SLC2A9: variants seen among roughly 807,000 people sequenced by gnomAD.
The protein encoded by SLC2A9 is solute carrier family 2 member 9, also known as solute carrier family 2, facilitated glucose transporter member 9.
Under a neutral mutation model 50.6 loss-of-function variants are expected in SLC2A9, and 39 were observed. The ratio of observed to expected loss-of-function variants is 0.77; its 90% CI spans 0.60 to 1.01. The LOEUF (loss-of-function observed/expected upper bound fraction) is 1.01, where lower values mean the gene tolerates loss of function less well. Among genes scored for constraint, SLC2A9 ranks in the 50% least tolerant of loss-of-function variants. The pLI, the probability that SLC2A9 is intolerant of heterozygous loss-of-function variation, is 0.00. For synonymous variants in SLC2A9, 324 were observed against 276.9 expected (o/e 1.17, Z -1.69); for missense variants, 686 against 677.6 (o/e 1.01, Z -0.14).
chr4:9,782,905 C>G, intron 3 of SLC2A9: 3 of 1,613,958 alleles, frequency 1.9e-6, no homozygotes, highest in Non-Finnish European at 2.5e-6. Flanking sequence ...AGAAGGAGAC[C>G]AAGGTTCTCA....
intron 2 of SLC2A9, among the ~76,000 whole-genome samples, chr4:10,013,198 G>A (rs1762055796): frequency 6.6e-6 from 1 of 152,124 alleles, no homozygotes; most frequent in South Asian, 2.1e-4. Context: ...CTGCCATCTG[G>A]GGGAAGAAAG....
intron 10 of SLC2A9, among the ~76,000 whole-genome samples, chr4:9,838,313 C>T (rs1727423888): frequency 1.3e-5 from 2 of 152,048 alleles, no homozygotes; most frequent in African/African-American, 4.8e-5. Context: ...AAGCATTTTA[C>T]AAGGTCTCTA....
chr4:9,881,507 C>A (rs1186445849), intron 10 of SLC2A9, among the ~76,000 whole-genome samples: 1 of 152,230 alleles, frequency 6.6e-6, no homozygotes, highest in African/African-American at 2.4e-5. Context: ...AGCTGAGGAA[C>A]TATAGCAGGG....
chr4:9,863,225 T>C (rs1340209533), intron 10 of SLC2A9, among the ~76,000 whole-genome samples: 1 of 151,994 alleles, frequency 6.6e-6, no homozygotes, highest in African/African-American at 2.4e-5. Context: ...TGGCTCACTC[T>C]AACCTCGATC....
At chr4:9,777,806 C>A (rs916615301), downstream of SLC2A9, among the ~76,000 whole-genome samples, 5 of 152,122 alleles carry the variant, frequency 3.3e-5, no homozygotes, top group African/African-American at 9.7e-5. Flanking sequence ...GCACTAGGAG[C>A]CAGCCCAGGG....
chr4:9,789,697 A>G (rs978635664), intron 3 of SLC2A9, among the ~76,000 whole-genome samples: 2 of 152,262 alleles, frequency 1.3e-5, no homozygotes, highest in African/African-American at 4.8e-5. Flanking sequence ...CCCTACTCAC[A>G]AGAGCAGGCA....
In SLC2A9 at chr4:9,990,058, G is replaced by A. The variant is rs1035449327; in HGVS notation, c.411-4265C>T. 3.3e-5 allele frequency among the ~76,000 whole-genome samples: 5 copies of A among 152,172 alleles called. 1 individual carries two copies. In the Middle Eastern group the frequency reaches 0.014, roughly 414 times the overall value. On this transcript the variant is annotated intron_variant, in intron 3 of 11. Coordinates refer to ENST00000264784, the MANE Select transcript of SLC2A9 (RefSeq NM_020041.3). The stretch of plus-strand genomic sequence containing the variant: ...TCTACATTGGTCCTTGTCACAGGCC[G>A]AATGGCACAGTCTGCATGCTTGTTA...
intron 6 of SLC2A9, among the ~76,000 whole-genome samples, chr4:9,937,839 G>A (rs943942910): frequency 1.3e-5 from 2 of 151,984 alleles, no homozygotes; most frequent in African/African-American, 4.8e-5. Context: ...CACAGGTGAG[G>A]GAGTAAGCGA....
chr4:9,872,469 T>G (rs1423586890), intron 10 of SLC2A9, among the ~76,000 whole-genome samples: 1 of 152,262 alleles, frequency 6.6e-6, no homozygotes. Flanking sequence ...TCTCACTATC[T>G]GAACCTTTGC....
At chr4:9,988,424 C>T (rs147153809) in intron 3 of SLC2A9, among the ~76,000 whole-genome samples, 432 of 152,332 alleles carry the variant, frequency 2.8e-3, no homozygotes, top group Middle Eastern at 0.014. Context: ...CATGTGCAAA[C>T]GGGAGTGCAC....
intron 6 of SLC2A9, among the ~76,000 whole-genome samples, chr4:9,928,371 A>G (rs574858031): frequency 2.0e-5 from 3 of 152,250 alleles, no homozygotes; most frequent in African/African-American, 2.4e-5. Context: ...AAACTGTTCC[A>G]TAAAAAGAGA....
At chr4:9,915,358 C>T (rs1742671235) in intron 7 of SLC2A9, among the ~76,000 whole-genome samples, 1 of 152,230 alleles carries the variant, frequency 6.6e-6, no homozygotes, top group South Asian at 2.1e-4. Flanking sequence ...CTGCCTCAGC[C>T]TCCTGAGTAT....
chr4:9,823,410 A>T (rs941192412), downstream of SLC2A9, among the ~76,000 whole-genome samples: 3 of 152,164 alleles, frequency 2.0e-5, no homozygotes, highest in Non-Finnish European at 4.4e-5. Context: ...TCCCCATTAT[A>T]TTTGGGTATC....
intron 10 of SLC2A9, among the ~76,000 whole-genome samples, chr4:9,856,983 A>C (rs1164104471): frequency 6.6e-6 from 1 of 152,168 alleles, no homozygotes; most frequent in Non-Finnish European, 1.5e-5. Context: ...GAGGAGGGTG[A>C]GGACTGAAAA....
chr4:9,942,147 T>G, intron 5 of SLC2A9, 102 bp from the exon 6 acceptor site: 6 of 1,396,984 alleles, frequency 4.3e-6, no homozygotes, highest in South Asian at 1.2e-5. Flanking sequence ...AAGGTCTTCC[T>G]GCCCAGCATG....
chr4:9,868,526 G>T (rs1360847431), intron 10 of SLC2A9, among the ~76,000 whole-genome samples: 1 of 152,186 alleles, frequency 6.6e-6, no homozygotes, highest in African/African-American at 2.4e-5. Context: ...TTTCAATTGG[G>T]TACCTGCACC....
chr4:9,798,193 C>T (rs113879052), downstream of SLC2A9, among the ~76,000 whole-genome samples: 260 of 152,322 alleles, frequency 1.7e-3, no homozygotes, highest in African/African-American at 5.9e-3. Flanking sequence ...TTGGGTACCA[C>T]AGTAAACACT....
intron 10 of SLC2A9, among the ~76,000 whole-genome samples, chr4:9,852,786 A>C (rs73092479): frequency 6.6e-6 from 1 of 152,310 alleles, no homozygotes; most frequent in African/African-American, 2.4e-5. Flanking sequence ...GACACTATAA[A>C]ACAACTACAC....
intron 11 of SLC2A9, among the ~76,000 whole-genome samples, chr4:9,832,165 G>C (rs1218296063): frequency 1.3e-5 from 2 of 152,208 alleles, no homozygotes; most frequent in African/African-American, 4.8e-5. Context: ...CAGAAGGGAG[G>C]TAGGTCAGAA....
Sources: allele counts gnomAD v4.1 joint callset (sites outside exome capture counted in the v4.1 genomes callset), GRCh38; gene constraint gnomAD v4.1.1; transcripts MANE v1.5; gene names NCBI Gene and HGNC (gene_info 2026-07-23, HGNC 2026-07-21).